The following EXOC6B variants were observed in gnomAD, a reference collection of about 807,000 sequenced individuals.
EXOC6B encodes exocyst complex component 6B.
EXOC6B carries 54 observed loss-of-function variants against 113.5 expected under a neutral mutation model. That is an observed-to-expected ratio of 0.48 (90% CI 0.38 to 0.60). The LOEUF (loss-of-function observed/expected upper bound fraction) is 0.60. Among genes scored for constraint, EXOC6B ranks in the 20% least tolerant of loss-of-function variants. The pLI is 0.00. For missense variants in EXOC6B, 797 were observed against 977.5 expected, an observed-to-expected ratio of 0.82 and a Z score of 2.46; for synonymous variants, 357 against 339.0, an observed-to-expected ratio of 1.05 and a Z score of -0.58.
intron 1 of EXOC6B, among the ~76,000 whole-genome samples, chr2:72,822,552 G>A (rs1219897640): frequency 6.6e-6 from 1 of 152,076 alleles, no homozygotes; most frequent in Non-Finnish European, 1.5e-5. Context: ...GAGTAAGACT[G>A]GAAAAAATAA....
chr2:72,661,096 A>C (rs1421923757), intron 6 of EXOC6B, among the ~76,000 whole-genome samples: 1 of 151,712 alleles, frequency 6.6e-6, no homozygotes, highest in Non-Finnish European at 1.5e-5. Flanking sequence ...CTTTCTCCCC[A>C]CTCTGGAGCT....
chr2:72,261,252 G>GAACA, intron 20 of EXOC6B, among the ~76,000 whole-genome samples: 1 of 152,302 alleles, frequency 6.6e-6, no homozygotes, highest in East Asian at 1.9e-4. Context: ...ACAAGTAGAA[G>GAACA]AACATGGTTG....
intron 18 of EXOC6B, among the ~76,000 whole-genome samples, chr2:72,400,203 C>G (rs1693048193): frequency 1.3e-5 from 2 of 152,184 alleles, no homozygotes; most frequent in Non-Finnish European, 1.5e-5. Flanking sequence ...ATTCAGTAAA[C>G]AGTTTTGGGA....
intron 20 of EXOC6B, among the ~76,000 whole-genome samples, chr2:72,219,069 C>T (rs1680709966): frequency 6.6e-6 from 1 of 152,000 alleles, no homozygotes; most frequent in African/African-American, 2.4e-5. Flanking sequence ...GGGGGCCTTG[C>T]TTTCTATGGG....
intron 17 of EXOC6B, 103 bp downstream of exon 17, chr2:72,480,513 G>C: frequency 9.5e-7 from 1 of 1,053,504 alleles, no homozygotes; most frequent in East Asian, 2.9e-5. Context: ...TCATTCTCAA[G>C]AGCATGTTAT....
chr2:72,439,574 G>A (rs1696072709), intron 18 of EXOC6B, among the ~76,000 whole-genome samples: 1 of 152,124 alleles, frequency 6.6e-6, no homozygotes, highest in Admixed American at 6.5e-5. Context: ...TGTCAGGTTG[G>A]TTGCATTCTT....
chr2:72,763,087 AT>A (rs1308824820), intron 1 of EXOC6B, among the ~76,000 whole-genome samples: 2 of 152,160 alleles, frequency 1.3e-5, no homozygotes, highest in Non-Finnish European at 2.9e-5. Flanking sequence ...CTTTAAAAAT[AT>A]TTGGTTGTTC....
At chr2:72,782,923 T>C (rs757090637) in intron 1 of EXOC6B, among the ~76,000 whole-genome samples, 9 of 152,364 alleles carry the variant, frequency 5.9e-5, no homozygotes, top group South Asian at 2.1e-4. Context: ...CATTCATCCA[T>C]TGATATGCAC....
intron 6 of EXOC6B, among the ~76,000 whole-genome samples, chr2:72,644,967 T>C (rs1488126316): frequency 2.6e-5 from 4 of 152,164 alleles, no homozygotes; most frequent in African/African-American, 9.7e-5. Context: ...ATGGGCTAAA[T>C]GCCCCACTTA....
intron 6 of EXOC6B, among the ~76,000 whole-genome samples, chr2:72,680,642 G>A (rs947594262): frequency 6.6e-6 from 1 of 151,978 alleles, no homozygotes. Flanking sequence ...GGGATGCTGA[G>A]CCAGGAGAAT....
Position 72,406,524 on chromosome 2 carries a change from A to T in EXOC6B, c.1981-26654T>A, listed in dbSNP as rs551260481. Among the ~76,000 whole-genome samples the T allele has an allele frequency of 7.2e-5, 11 of 152,336 alleles. 1 individual carries two copies. The East Asian group carries it at 2.1e-3, about 29-fold the overall frequency. ...CTGTCTCTCAGACCACAGTGCAATC[A>T]AACTAGAACTCAGGATTAAGAAACT... On this transcript the variant is annotated intron_variant, in intron 18 of 21. Transcript: ENST00000272427.
intron 5 of EXOC6B, among the ~76,000 whole-genome samples, chr2:72,726,006 C>G (rs1172253728): frequency 6.6e-6 from 1 of 152,016 alleles, no homozygotes; most frequent in Non-Finnish European, 1.5e-5. Context: ...GAAAAGGTAA[C>G]TAAAGCAGTA....
At chr2:72,325,291 T>C (rs1381855809) in intron 20 of EXOC6B, among the ~76,000 whole-genome samples, 3 of 152,126 alleles carry the variant, frequency 2.0e-5, no homozygotes, top group Non-Finnish European at 4.4e-5. Context: ...GAAGCAGCTA[T>C]TAATATTTAA....
intron 6 of EXOC6B, among the ~76,000 whole-genome samples, chr2:72,670,054 C>T (rs1019002466): frequency 1.3e-5 from 2 of 152,140 alleles, no homozygotes; most frequent in African/African-American, 4.8e-5. Flanking sequence ...ACAAAAGTTG[C>T]TCACTAACTC....
At chr2:72,508,163 C>CAAAAAAAAAAA (rs67586747) in intron 11 of EXOC6B, among the ~76,000 whole-genome samples, 14 of 57,514 alleles carry the variant, frequency 2.4e-4, no homozygotes, top group African/African-American at 5.2e-4. Flanking sequence ...ATATTACCCG[C>CAAAAAAAAAAA]AAAAAAAAAA....
At chr2:72,732,703 C>T (rs1034841289) in intron 3 of EXOC6B, among the ~76,000 whole-genome samples, 4 of 151,926 alleles carry the variant, frequency 2.6e-5, no homozygotes, top group East Asian at 1.9e-4. Flanking sequence ...AAAGAATGCA[C>T]GGGTGAGAGT....
At chr2:72,677,456 C>A (rs966685078) in intron 6 of EXOC6B, among the ~76,000 whole-genome samples, 5 of 152,108 alleles carry the variant, frequency 3.3e-5, no homozygotes, top group Admixed American at 6.5e-5. Flanking sequence ...ACAGTCAAGA[C>A]TGATCCTTTC....
chr2:72,512,367 A>AGAAGGAAGGAAGGAAG (rs1281809681), intron 11 of EXOC6B, among the ~76,000 whole-genome samples: 1 of 13,628 alleles, frequency 7.3e-5, no homozygotes, highest in Non-Finnish European at 1.8e-4. Flanking sequence ...AAGGAAGGAA[A>AGAAGGAAGGAAGGAAG]GAAGGAAGGA....
chr2:72,607,826 C>T (rs17008315), intron 6 of EXOC6B, among the ~76,000 whole-genome samples: 32,718 of 151,744 alleles, frequency 0.22, 5,730 homozygotes, highest in African/African-American at 0.49. Context: ...TGGTCAGAGG[C>T]GTAGTACTGA....
Sources: gnomAD v4.1 joint callset for allele counts (sites outside exome capture counted in the v4.1 genomes callset) on GRCh38, gnomAD v4.1.1 for gene constraint, MANE v1.5 for transcripts, NCBI Gene and HGNC (gene_info 2026-07-23, HGNC 2026-07-21) for gene names.